Variants in GLIS3 observed in about 807,000 individuals in gnomAD.
GLIS3 encodes the protein GLIS family zinc finger 3.
GLIS3 carries 53 observed loss-of-function variants against 78.6 expected under a neutral mutation model. The ratio of observed to expected loss-of-function variants is 0.67; its 90% CI spans 0.54 to 0.85. The LOEUF is 0.85. Ranked by LOEUF, GLIS3 falls within the 40% of genes least tolerant of loss-of-function variation. The pLI is 0.00. For synonymous variants in GLIS3, 684 were observed against 509.9 expected (o/e 1.34, Z -4.60); for missense variants, 1,703 against 1,231.1 (o/e 1.38, Z -5.74).
the GLIS3 span, among the ~76,000 whole-genome samples, chr9:4,369,825 C>CA: frequency 2.4e-4 from 36 of 151,198 alleles, no homozygotes; most frequent in East Asian, 1.9e-4. Flanking sequence ...TGTTCATGGC[C>CA]AAAAAAAATA....
At chr9:4,095,743 G>T (rs1482023456) in intron 4 of GLIS3, among the ~76,000 whole-genome samples, 1 of 152,006 alleles carries the variant, frequency 6.6e-6, no homozygotes, top group Admixed American at 6.6e-5. Context: ...CCACACAAAA[G>T]GAAAAAGGAA....
At chr9:3,844,208 A>G (rs894936477) in intron 9 of GLIS3, among the ~76,000 whole-genome samples, 2 of 152,226 alleles carry the variant, frequency 1.3e-5, no homozygotes, top group African/African-American at 4.8e-5. Flanking sequence ...CCTCGCTACC[A>G]GCAACCCAGA....
the GLIS3 span, among the ~76,000 whole-genome samples, chr9:4,457,942 T>C: frequency 3.9e-5 from 6 of 152,188 alleles, no homozygotes; most frequent in East Asian, 1.2e-3. Context: ...TCCTTCTATG[T>C]AGATGACCTT....
intron 2 of GLIS3, among the ~76,000 whole-genome samples, chr9:4,187,981 C>T (rs554378749): frequency 6.6e-5 from 10 of 152,102 alleles, no homozygotes; most frequent in Admixed American, 2.0e-4. Context: ...AACTGAATAC[C>T]CTTTATTTCC....
intron 1 of GLIS3, 43 bp from the exon 2 acceptor site, chr9:4,286,566 G>T: frequency 1.0e-6 from 1 of 967,688 alleles, no homozygotes; most frequent in Non-Finnish European, 1.6e-6. Context: ...AAGCAAAAAT[G>T]AAAATAAGAT....
At chr9:4,099,294 G>C (rs1441576257) in intron 4 of GLIS3, among the ~76,000 whole-genome samples, 1 of 152,148 alleles carries the variant, frequency 6.6e-6, no homozygotes, top group East Asian at 1.9e-4. Flanking sequence ...CAAGGTGTGG[G>C]TCTGAGGGCT....
intron 9 of GLIS3, among the ~76,000 whole-genome samples, chr9:3,853,587 T>C (rs1428175482): frequency 2.6e-5 from 4 of 152,238 alleles, no homozygotes; most frequent in African/African-American, 9.6e-5. Flanking sequence ...CAAATCTTCC[T>C]AACAACTGAA....
chr9:4,328,019 C>A (rs1256527601), intron 2 of GLIS3, among the ~76,000 whole-genome samples: 1 of 152,200 alleles, frequency 6.6e-6, no homozygotes, highest in African/African-American at 2.4e-5. Flanking sequence ...ATGTCGAATG[C>A]ATGTTCCTGT....
intron 2 of GLIS3, among the ~76,000 whole-genome samples, chr9:4,202,722 G>T (rs1819517873): frequency 6.6e-6 from 1 of 152,128 alleles, no homozygotes; most frequent in Non-Finnish European, 1.5e-5. Flanking sequence ...ATGGGGAAAG[G>T]AATCCCTATT....
At chr9:3,926,956 C>G (rs1374614501) in intron 6 of GLIS3, among the ~76,000 whole-genome samples, 1 of 152,182 alleles carries the variant, frequency 6.6e-6, no homozygotes. Flanking sequence ...GAATGTGTTC[C>G]CACTACAAAT....
chr9:4,361,369 C>T, the GLIS3 span, among the ~76,000 whole-genome samples: 1 of 151,652 alleles, frequency 6.6e-6, no homozygotes, highest in African/African-American at 2.4e-5. Context: ...TAAAGTTAAA[C>T]TTCTCCTTCT....
intron 2 of GLIS3, among the ~76,000 whole-genome samples, chr9:4,176,408 C>T (rs1052694764): frequency 2.0e-5 from 3 of 152,166 alleles, no homozygotes; most frequent in African/African-American, 7.2e-5. Flanking sequence ...GGCAATTTTG[C>T]ATGAAGTTCT....
At chr9:4,377,507 C>G in the GLIS3 span, among the ~76,000 whole-genome samples, 3 of 134,928 alleles carry the variant, frequency 2.2e-5, 1 homozygote, top group Non-Finnish European at 3.3e-5. Context: ...GACGGCCTAT[C>G]GTGGGATTTC....
At chr9:4,097,869 C>A (rs141919168) in intron 4 of GLIS3, among the ~76,000 whole-genome samples, 18 of 152,240 alleles carry the variant, frequency 1.2e-4, no homozygotes, top group African/African-American at 4.1e-4. Context: ...CACAAAAAAA[C>A]CCCACAAAAC....
chr9:4,432,959 G>C, the GLIS3 span, among the ~76,000 whole-genome samples: 1 of 152,040 alleles, frequency 6.6e-6, no homozygotes, highest in Admixed American at 6.6e-5. Context: ...CACAGACTAT[G>C]TTTTCTAACA....
At chr9:4,393,941 G>T in the GLIS3 span, among the ~76,000 whole-genome samples, 1 of 152,050 alleles carries the variant, frequency 6.6e-6, no homozygotes, top group Admixed American at 6.5e-5. Flanking sequence ...GTGGGCCTGA[G>T]TGTGAATTTA....
In GLIS3 at chr9:4,045,296, G is replaced by A. The variant is rs185703701; in HGVS notation, c.1710+72472C>T. Among the ~76,000 whole-genome samples, 471 of 152,156 alleles carry A rather than the reference G, an allele frequency of 3.1e-3. 1 individual carries two copies. The highest frequency in any genetic ancestry group is 0.011 in the African/African-American group (445 of 41,498). Reference sequence around the variant, plus strand: ...CTTGTGGATTTCACGTAACTAAAAAGCTGCAGGAAGATGAAGTGTTCTGAA... The same window carrying A: ...CTTGTGGATTTCACGTAACTAAAAAACTGCAGGAAGATGAAGTGTTCTGAA... On this transcript the variant is annotated intron_variant, in intron 4 of 10. Transcript: ENST00000381971.
At chr9:4,392,370 C>A in the GLIS3 span, among the ~76,000 whole-genome samples, 2 of 152,072 alleles carry the variant, frequency 1.3e-5, no homozygotes, top group Non-Finnish European at 2.9e-5. Flanking sequence ...ACCTGCATAT[C>A]CTGCACATGT....
intron 2 of GLIS3, among the ~76,000 whole-genome samples, chr9:4,342,447 T>C (rs1178058613): frequency 6.6e-6 from 1 of 152,220 alleles, no homozygotes; most frequent in African/African-American, 2.4e-5. Context: ...TCTGTTCCAT[T>C]GGTCTATGTG....
Sources: allele counts gnomAD v4.1 joint callset (sites outside exome capture counted in the v4.1 genomes callset), GRCh38; gene constraint gnomAD v4.1.1; transcripts MANE v1.5; gene names NCBI Gene and HGNC (gene_info 2026-07-23, HGNC 2026-07-21).